PRH1: variants seen among roughly 807,000 people sequenced by gnomAD.
PRH1 encodes salivary acidic proline-rich phosphoprotein 1/2.
Under a neutral mutation model 7.9 loss-of-function variants are expected in PRH1, and 7 were observed. The observed-to-expected ratio is 0.89, with a 90% confidence interval of 0.50 to 1.67. PRH1 has a LOEUF of 1.67. Among genes scored for constraint, PRH1 ranks in the 40% most tolerant of loss-of-function variants. PRH1 has a pLI of 0.00. For missense variants in PRH1, 109 were observed against 223.6 expected, an observed-to-expected ratio of 0.49 and a Z score of 3.27; for synonymous variants, 45 against 80.8, an observed-to-expected ratio of 0.56 and a Z score of 2.38.
intron 1 of PRH1, among the ~76,000 whole-genome samples, chr12:11,101,152 T>A (rs932676377): frequency 6.6e-6 from 1 of 152,140 alleles, no homozygotes; most frequent in Non-Finnish European, 1.5e-5. Context: ...AGAAAGTGGA[T>A]TAACAATTCT....
intron 1 of PRH1, chr12:11,022,006 G>GCC: frequency 6.3e-7 from 1 of 1,579,490 alleles, no homozygotes; most frequent in Non-Finnish European, 8.6e-7. Context: ...TAGGCTCAGA[G>GCC]TAAAGGGTAT....
At chr12:11,091,999 A>G (rs1211702212) in intron 1 of PRH1, 10 of 1,414,448 alleles carry the variant, frequency 7.1e-6, no homozygotes, top group Non-Finnish European at 9.8e-6. Flanking sequence ...TTACTTCTAC[A>G]CTATTAAAAG....
chr12:11,128,074 G>A (rs1448813012), intron 1 of PRH1, among the ~76,000 whole-genome samples: 1 of 143,742 alleles, frequency 7.0e-6, no homozygotes, highest in African/African-American at 2.6e-5. Flanking sequence ...TGGCGCCACT[G>A]CACTCTAGCC....
rs1238827267 is a variant in PRH1, at chr12:11,089,186, A to C, written n.124-41998T>G. ...AGTACCTTGCCCGATCCAGGTCATC[A>C]TTCCATTTGGGACTTGAATGCATCA... On this transcript the variant is annotated intron_variant and non_coding_transcript_variant, in intron 1 of 4. Transcript: ENST00000541977. 6.1e-5 allele frequency among the ~76,000 whole-genome samples: 7 copies of C among 115,500 alleles called. 2 individuals are homozygous for C. The highest frequency in any genetic ancestry group is 1.2e-4 in the Non-Finnish European group (6 of 48,828). The allele number at this position is 115,500 out of a possible 152,430, so 75.8% of individuals were successfully genotyped here.
At chr12:11,027,800 C>T (rs1433607997) in intron 1 of PRH1, among the ~76,000 whole-genome samples, 1 of 152,186 alleles carries the variant, frequency 6.6e-6, no homozygotes, top group Non-Finnish European at 1.5e-5. Flanking sequence ...GAGGGGAGAG[C>T]AAATCCCTAT....
intron 2 of PRH1, among the ~76,000 whole-genome samples, chr12:10,972,869 C>A (rs562108837): frequency 1.3e-5 from 2 of 150,398 alleles, no homozygotes; most frequent in South Asian, 4.2e-4. Flanking sequence ...CTGGTTGCTG[C>A]TAATACCTCT....
chr12:10,888,614 T>G (rs1464658393), upstream of PRH1, among the ~76,000 whole-genome samples: 2 of 152,258 alleles, frequency 1.3e-5, no homozygotes, highest in Non-Finnish European at 1.5e-5. Flanking sequence ...GTCATATTTT[T>G]TGTTTTTTAT....
chr12:11,028,805 C>T (rs372155662), intron 1 of PRH1, among the ~76,000 whole-genome samples: 2 of 137,228 alleles, frequency 1.5e-5, no homozygotes, highest in African/African-American at 5.1e-5. Flanking sequence ...ATATTATTGT[C>T]ATATTTCCCC....
intron 1 of PRH1, among the ~76,000 whole-genome samples, chr12:11,052,963 G>A (rs570074131): frequency 2.6e-5 from 4 of 151,418 alleles, no homozygotes; most frequent in African/African-American, 4.9e-5. Flanking sequence ...AAATGAAAAC[G>A]GTAACAATTT....
intron 1 of PRH1, among the ~76,000 whole-genome samples, chr12:11,141,282 T>C (rs1230315472): frequency 6.6e-6 from 1 of 152,190 alleles, no homozygotes; most frequent in Non-Finnish European, 1.5e-5. Context: ...ATTGTTTAAT[T>C]AAAATGCTCA....
At chr12:10,899,763 T>A (rs567474376) in intron 2 of PRH1, among the ~76,000 whole-genome samples, 2 of 152,246 alleles carry the variant, frequency 1.3e-5, no homozygotes, top group East Asian at 3.9e-4. Context: ...AGGTATTCCT[T>A]TATACCAACA....
Position 11,077,930 on chromosome 12 carries a change from A to G in PRH1, n.124-30742T>C, listed in dbSNP as rs1236109161. 8.3e-6 allele frequency: 8 copies of G among 962,052 alleles called. 1 individual carries two copies. The highest frequency in any genetic ancestry group is 1.2e-5 in the Non-Finnish European group (7 of 603,908). 59.6% of individuals were successfully genotyped at this position (962,052 alleles called of 1,614,324 possible). On this transcript the variant is annotated intron_variant and non_coding_transcript_variant, in intron 1 of 4. Coordinates refer to the PRH1 transcript ENST00000541977. ...AAATTGGCAATCTTGAGCAAATAAAATATGCTGAGGCTAGCAGCAAGCCAG... is the reference window on the plus strand; with the variant it reads ...AAATTGGCAATCTTGAGCAAATAAAGTATGCTGAGGCTAGCAGCAAGCCAG...
chr12:11,059,460 C>G (rs1357583946), intron 1 of PRH1, among the ~76,000 whole-genome samples: 1 of 152,132 alleles, frequency 6.6e-6, no homozygotes, highest in Non-Finnish European at 1.5e-5. Flanking sequence ...TAGCTGGTTA[C>G]TAACTCAATT....
intron 2 of PRH1, among the ~76,000 whole-genome samples, chr12:10,907,707 T>C (rs1055021986): frequency 6.6e-6 from 1 of 150,870 alleles, no homozygotes; most frequent in Non-Finnish European, 1.5e-5. Flanking sequence ...AGTGTATACA[T>C]TGTCAAAACT....
At chr12:11,038,994 A>C (rs1178178733) in intron 1 of PRH1, among the ~76,000 whole-genome samples, 1 of 152,238 alleles carries the variant, frequency 6.6e-6, no homozygotes, top group Non-Finnish European at 1.5e-5. Flanking sequence ...ATTATGTCAA[A>C]TGACTTTGAA....
intron 2 of PRH1, among the ~76,000 whole-genome samples, chr12:10,941,805 C>T (rs978160150): frequency 6.6e-6 from 1 of 152,044 alleles, no homozygotes; most frequent in Non-Finnish European, 1.5e-5. Context: ...CTTGTTTTGT[C>T]ATATTACCAG....
upstream of PRH1, chr12:11,048,559 G>A (rs112932572): frequency 5.2e-5 from 30 of 578,750 alleles, no homozygotes; most frequent in South Asian, 6.2e-4. Flanking sequence ...CATAAGGAAG[G>A]AGATCACAGT....
intron 2 of PRH1, among the ~76,000 whole-genome samples, chr12:10,898,163 T>C (rs780830518): frequency 5.3e-5 from 8 of 152,214 alleles, no homozygotes; most frequent in Admixed American, 2.0e-4. Context: ...TTAATTCTGA[T>C]GAGGTCAAAC....
intron 1 of PRH1, among the ~76,000 whole-genome samples, chr12:11,128,473 A>G (rs186526463): frequency 4.1e-4 from 62 of 151,860 alleles, no homozygotes; most frequent in Non-Finnish European, 8.2e-4. Flanking sequence ...AAGCGGGCGC[A>G]GTGGCTCATG....
Sources: gnomAD v4.1 joint callset for allele counts (sites outside exome capture counted in the v4.1 genomes callset) on GRCh38, gnomAD v4.1.1 for gene constraint, MANE v1.5 for transcripts, NCBI Gene and HGNC (gene_info 2026-07-23, HGNC 2026-07-21) for gene names.